The following OSMR variants were observed in gnomAD, a reference collection of about 807,000 sequenced individuals.
The protein encoded by OSMR is oncostatin M receptor.
OSMR carries 81 observed loss-of-function variants against 99.9 expected under a neutral mutation model. The ratio of observed to expected loss-of-function variants is 0.81; its 90% CI spans 0.68 to 0.97. OSMR has a LOEUF of 0.97. OSMR is among the 50% of genes least tolerant of loss of function. The probability of loss-of-function intolerance (pLI) is 0.00; values close to 1 mark genes in which losing one functional copy is unlikely to be tolerated. For synonymous variants in OSMR, 406 were observed against 410.4 expected (o/e 0.99, Z 0.13); for missense variants, 1,099 against 1,153.4 (o/e 0.95, Z 0.68).
At chr5:38,862,496 G>A (rs868613917) in intron 1 of OSMR, among the ~76,000 whole-genome samples, 11 of 151,028 alleles carry the variant, frequency 7.3e-5, no homozygotes, top group Non-Finnish European at 1.6e-4. Context: ...GGTGGCTGCC[G>A]GGCGGAGGGG....
intron 2 of OSMR, among the ~76,000 whole-genome samples, chr5:38,871,784 T>C (rs1742405505): frequency 6.6e-6 from 1 of 152,226 alleles, no homozygotes; most frequent in African/African-American, 2.4e-5. Flanking sequence ...CTTAAAACAA[T>C]TACTACAACA....
chr5:38,912,623 T>G (rs1166847756), intron 9 of OSMR, among the ~76,000 whole-genome samples: 1 of 152,148 alleles, frequency 6.6e-6, no homozygotes, highest in African/African-American at 2.4e-5. Flanking sequence ...GACAAAGCAT[T>G]TCTAAGCAAA....
intron 1 of OSMR, 30 bp from the exon 2 acceptor site, chr5:38,869,002 A>G: frequency 6.2e-7 from 1 of 1,609,920 alleles, no homozygotes; most frequent in East Asian, 2.2e-5. Context: ...ATTAAATAAA[A>G]TTTTCCTTCT....
rs1743640726 is a variant in OSMR at position 38,885,461 on chromosome 5, C to T, written c.816C>T (p.Ser272=). Residue 272 remains serine (S), a synonymous_variant, in exon 6 of 18, where the codon TCC becomes TCT. Transcript: ENST00000274276. ...CCTTGGGGTGGTCTAAACAACCTTC[C>T]CAAAGCTACACTTTATTTGAATCGT... ...DTALGWSKQP[S]QSYTLFESFS... 1.9e-6 allele frequency: 3 copies of T among 1,613,940 alleles called. No individual in the cohort carries two copies. Among genetic ancestry groups the T allele is most frequent in the Admixed American group, 1.7e-5 (1 of 60,000 alleles).
chr5:38,881,789 G>A (rs1262567187), intron 4 of OSMR, 25 bp downstream of exon 4: 2 of 1,579,258 alleles, frequency 1.3e-6, no homozygotes, highest in African/African-American at 1.3e-5. Flanking sequence ...GGTTACAAGA[G>A]TGAAAAGGGT....
chr5:38,878,078 G>T (rs1742983290), intron 3 of OSMR, among the ~76,000 whole-genome samples: 1 of 152,148 alleles, frequency 6.6e-6, no homozygotes, highest in Admixed American at 6.5e-5. Context: ...GTTGCTCCAG[G>T]TGACAGAGGC....
At chr5:38,931,103 A>T (rs1157196649) in intron 15 of OSMR, among the ~76,000 whole-genome samples, 2 of 152,162 alleles carry the variant, frequency 1.3e-5, no homozygotes, top group Admixed American at 6.5e-5. Context: ...CACAATGGTC[A>T]TTTGAAATAA....
downstream of OSMR, chr5:38,940,153 A>AAAAAAAAAAAAAC (rs1554057795): frequency 1.3e-5 from 3 of 228,872 alleles, no homozygotes; most frequent in African/African-American, 6.7e-5. Flanking sequence ...CAAAAAAAAA[A>AAAAAAAAAAAAAC]ACACAAAACA....
chr5:38,924,211 G>C, intron 13 of OSMR: 1 of 616,350 alleles, frequency 1.6e-6, no homozygotes, highest in Non-Finnish European at 2.0e-6. Flanking sequence ...TCTGTAAAAG[G>C]CAAGACTTGA....
At chr5:38,917,190 G>T (rs72635264) in intron 9 of OSMR, among the ~76,000 whole-genome samples, 2,963 of 152,290 alleles carry the variant, frequency 0.019, 85 homozygotes, top group East Asian at 0.056. Context: ...GGGCAAGGAA[G>T]TAGCAAAGGT....
In OSMR at chr5:38,884,065, A is replaced by C. The variant is rs746263068; in HGVS notation, c.657A>C (p.Gln219His). Reference protein sequence around the residue: ...KGTNIYCEASQGNVSEGMKGI... With the variant: ...KGTNIYCEASHGNVSEGMKGI... Reference sequence around the variant, plus strand: ...CAAATATCTATTGTGAGGCAAGTCAAGGAAATGTCAGTGAAGGCATGAAAG... The same window carrying C: ...CAAATATCTATTGTGAGGCAAGTCACGGAAATGTCAGTGAAGGCATGAAAG... Residue 219 changes from glutamine to histidine, a missense_variant, in exon 5 of 18, where the codon CAA becomes CAC. Coordinates refer to ENST00000274276, the MANE Select transcript of OSMR (RefSeq NM_003999.3). 1.1e-5 allele frequency: 17 copies of C among 1,614,150 alleles called. No homozygotes were observed. The highest frequency in any genetic ancestry group is 1.7e-6 in the Non-Finnish European group (2 of 1,179,968).
chr5:38,897,329 G>A (rs1744587606), intron 7 of OSMR, among the ~76,000 whole-genome samples: 1 of 151,958 alleles, frequency 6.6e-6, no homozygotes, highest in East Asian at 1.9e-4. Flanking sequence ...TTTGTTACTT[G>A]TTTTTGGTCT....
At chr5:38,902,015 G>T (rs1034742695) in intron 7 of OSMR, among the ~76,000 whole-genome samples, 1 of 152,174 alleles carries the variant, frequency 6.6e-6, no homozygotes, top group Non-Finnish European at 1.5e-5. Flanking sequence ...AGTGGCCTTG[G>T]CATTTAGCCT....
At chr5:38,899,348 G>C (rs1358902166) in intron 7 of OSMR, among the ~76,000 whole-genome samples, 2 of 152,068 alleles carry the variant, frequency 1.3e-5, no homozygotes, top group Non-Finnish European at 2.9e-5. Flanking sequence ...CTGTGTCCCA[G>C]GTCAGATCCA....
chr5:38,911,652 A>C (rs1745594580), intron 9 of OSMR, among the ~76,000 whole-genome samples: 1 of 152,206 alleles, frequency 6.6e-6, no homozygotes, highest in Non-Finnish European at 1.5e-5. Flanking sequence ...ACATAGATGC[A>C]AAAATCCTCA....
exon 2 of OSMR, chr5:38,944,203 C>G (rs1255147955): frequency 1.7e-6 from 1 of 577,174 alleles, no homozygotes; most frequent in East Asian, 3.9e-5. Context: ...TTTTGCAGAT[C>G]TCTTCAAAAG....
intron 15 of OSMR, among the ~76,000 whole-genome samples, chr5:38,929,621 G>C (rs1323693293): frequency 6.6e-6 from 1 of 152,198 alleles, no homozygotes; most frequent in Admixed American, 6.5e-5. Flanking sequence ...GGAGTAAATT[G>C]GTACAAGCAA....
chr5:38,885,538 G>A, intron 6 of OSMR, 54 bp downstream of exon 6: 1 of 1,605,456 alleles, frequency 6.2e-7, no homozygotes, highest in Non-Finnish European at 8.5e-7. Flanking sequence ...TGAGGTGCTT[G>A]TGACAACATG....
intron 9 of OSMR, among the ~76,000 whole-genome samples, chr5:38,906,207 A>AT (rs774139807): frequency 6.6e-6 from 1 of 151,928 alleles, no homozygotes; most frequent in Non-Finnish European, 1.5e-5. Context: ...CATAACTAAA[A>AT]TTATGTAAAA....
Sources: allele counts gnomAD v4.1 joint callset (sites outside exome capture counted in the v4.1 genomes callset), GRCh38; gene constraint gnomAD v4.1.1; transcripts MANE v1.5; gene names NCBI Gene and HGNC (gene_info 2026-07-23, HGNC 2026-07-21).